The following PPRC1 variants were observed in gnomAD, a reference collection of about 807,000 sequenced individuals.
PPRC1 encodes the protein peroxisome proliferator-activated receptor gamma coactivator-related protein 1.
A neutral mutation model predicts 132.5 loss-of-function variants in PPRC1; 23 were observed. That is an observed-to-expected ratio of 0.17 (90% confidence interval 0.12 to 0.25). PPRC1 has a LOEUF of 0.25. Ranked by LOEUF, PPRC1 falls within the 10% of genes least tolerant of loss-of-function variation. PPRC1 has a pLI of 1.00. For synonymous variants in PPRC1, 872 were observed against 833.5 expected (o/e 1.05, Z -0.80); for missense variants, 2,006 against 2,089.1 (o/e 0.96, Z 0.78).
rs370572070 is a variant in PPRC1, at chr10:102,139,168, C to T, written c.660C>T (p.Pro220=). ...CCTCTTTCTTAGAGACCTCTTCCCC[C>T]AAGCTTCCTAGCTGGAGACCCCCAA... ...SPPSFLETSS[P]KLPSWRPPRS... The change falls in exon 5 of 14, where the codon CCC becomes CCT. Residue 220 remains proline, a synonymous_variant. Transcript: ENST00000278070. The T allele has an allele frequency of 1.9e-6, 3 of 1,613,594 alleles. No homozygotes were observed. Among genetic ancestry groups the T allele is most frequent in the Non-Finnish European group, 2.5e-6 (3 of 1,179,702 alleles).
At chr10:102,132,200 T>G (rs2068555577), upstream of PPRC1, among the ~76,000 whole-genome samples, 1 of 152,260 alleles carries the variant, frequency 6.6e-6, no homozygotes, top group Non-Finnish European at 1.5e-5. Context: ...CCTACTACTT[T>G]TTTTCCTCTA....
the PPRC1 span, among the ~76,000 whole-genome samples, chr10:102,122,462 C>CTT: frequency 1.2e-3 from 163 of 133,532 alleles, 1 homozygote; most frequent in Non-Finnish European, 1.6e-3. Flanking sequence ...TCTTTCTGCC[C>CTT]TTTTTTTTTT....
At position 102,149,100 on chromosome 10, in the gene PPRC1, A is replaced by G. The variant is rs560893890; in HGVS notation, c.4740-78A>G. 1.6e-4 allele frequency: 238 copies of G among 1,526,506 alleles called. 1 individual carries two copies. In the South Asian group the frequency reaches 2.9e-3, roughly 19 times the overall value. The allele number at this position is 1,526,506 out of a possible 1,614,324, so 94.6% of individuals were successfully genotyped here. A position where few individuals can be genotyped will look rare whatever the true frequency, so the allele number is the denominator to read the frequency against. ...TGGGAATGAGAAGAACCACCTCTGT[A>G]CCTTGGGATGCTGTGTCTCCTCTAT... On this transcript the variant is annotated intron_variant, in intron 12 of 13. Transcript: ENST00000278070.
the PPRC1 span, among the ~76,000 whole-genome samples, chr10:102,125,821 T>G: frequency 6.6e-6 from 1 of 151,834 alleles, no homozygotes; most frequent in Non-Finnish European, 1.5e-5. Context: ...CCCTTGAAAT[T>G]CCTTCAACTA....
In PPRC1 at chr10:102,143,031, G is replaced by A. The variant is rs779679201; in HGVS notation, c.3497-14G>A. 6.2e-7 allele frequency: 1 copy of A among 1,610,356 alleles called. No individual in the cohort carries two copies. The highest frequency in any genetic ancestry group is 2.2e-5 in the East Asian group (1 of 44,862). ...AGGGGCTCGTTTTCAATCCTGTGTTGTGTGCCTCCACAGGAATTGAGGCAT... is the reference window on the plus strand; with the variant it reads ...AGGGGCTCGTTTTCAATCCTGTGTTATGTGCCTCCACAGGAATTGAGGCAT... On this transcript the variant is annotated splice_polypyrimidine_tract_variant and intron_variant, in intron 5 of 13. Coordinates refer to ENST00000278070, the MANE Select transcript of PPRC1 (RefSeq NM_015062.5).
At chr10:102,144,334 C>T (rs764925751) in intron 7 of PPRC1, 27 bp downstream of exon 7, 3 of 1,608,222 alleles carry the variant, frequency 1.9e-6, no homozygotes, top group Middle Eastern at 1.9e-4. Flanking sequence ...GAGCGAGTTA[C>T]CCTACAGCTG....
rs2068932294 is a variant in PPRC1 at position 102,140,742 on chromosome 10, A to T, written c.2234A>T (p.Glu745Val). 1 of 1,613,916 alleles carries T rather than the reference A, an allele frequency of 6.2e-7. No homozygotes were observed. Among genetic ancestry groups the T allele is most frequent in the Admixed American group, 1.7e-5 (1 of 59,992 alleles). Residue 745 changes from glutamate to valine, a missense_variant, in exon 5 of 14, where the codon GAA (glutamate) becomes GTA (valine). This residue lies in a region of PPRC1 where 1,914 missense variants were observed against 1,917.2 expected (regional missense o/e 1.00). Coordinates refer to ENST00000278070, the MANE Select transcript of PPRC1 (RefSeq NM_015062.5). ...IESGTSATTH[E>V]ARPRPLSLSE... ...AGTGGTACCAGTGCTACAACCCATG[A>T]AGCCAGACCTCGGCCTCTCAGCTTA...
intron 2 of PPRC1, among the ~76,000 whole-genome samples, chr10:102,138,282 G>A (rs1287732783): frequency 6.6e-6 from 1 of 152,168 alleles, no homozygotes; most frequent in African/African-American, 2.4e-5. Context: ...CACTGTCTGG[G>A]CCCCTGAACT....
Position 102,140,591 on chromosome 10 carries a change from C to T in PPRC1, c.2083C>T (p.Arg695Cys), listed in dbSNP as rs776212561. The change falls in exon 5 of 14, where the codon CGT (arginine) becomes TGT (cysteine). Residue 695 changes from arginine (R) to cysteine (C), a missense_variant. Around this residue, in one of 2 missense-constraint regions of PPRC1, gnomAD observed 1,914 missense variants for 1,917.2 expected, o/e 1.00. Coordinates refer to ENST00000278070, the MANE Select transcript of PPRC1 (RefSeq NM_015062.5). ...TAAGTCCAGACCAACTGATCCCAGA[C>T]GTGGTGCAGTGTCATCAGCCCTGGG... The part of the protein sequence containing the change: ...LVKSRPTDPR[R>C]GAVSSALGGS... 15 of 1,613,960 alleles carry T rather than the reference C, an allele frequency of 9.3e-6. No homozygotes were observed. The highest frequency in any genetic ancestry group is 1.1e-5 in the Non-Finnish European group (13 of 1,180,008).
chr10:102,121,697 G>A, the PPRC1 span, among the ~76,000 whole-genome samples: 109 of 152,242 alleles, frequency 7.2e-4, no homozygotes, highest in East Asian at 0.019. Flanking sequence ...TCTTTCTTAA[G>A]TTTCAGTATG....
the PPRC1 span, among the ~76,000 whole-genome samples, chr10:102,127,874 G>T: frequency 2.0e-5 from 3 of 151,872 alleles, no homozygotes; most frequent in Non-Finnish European, 4.4e-5. Context: ...TTTTTCTAGA[G>T]ACAGGGGTTT....
At position 102,150,304 on chromosome 10, in the gene PPRC1, T is replaced by C; in HGVS notation, c.*275T>C. On this transcript the variant is annotated 3_prime_UTR_variant, in exon 14 of 14. Transcript: ENST00000278070. ...TTGGAACATAAGTCACTATGCAGAC[T>C]AATAAACATCAACTAGAGAGAACTC... 1 of 300,530 alleles carries C rather than the reference T, an allele frequency of 3.3e-6. No homozygotes were observed. The highest frequency in any genetic ancestry group is 6.9e-5 in the East Asian group (1 of 14,554). 18.6% of individuals were successfully genotyped at this position (300,530 alleles called of 1,614,324 possible).
chr10:102,141,247 G>A lies in PPRC1; in HGVS notation c.2739G>A (p.Pro913=), dbSNP rs752021308. The change falls in exon 5 of 14, where the codon CCG becomes CCA. Residue 913 remains proline (P), a synonymous_variant. Coordinates refer to ENST00000278070, the MANE Select transcript of PPRC1 (RefSeq NM_015062.5). ...PLSMGPVLPD[P]FTHYAPLPSW... ...CTATGGGGCCAGTACTACCTGATCC[G>A]TTTACTCACTATGCCCCCTTGCCAT... 47 of 1,613,778 alleles carry A rather than the reference G, an allele frequency of 2.9e-5. No homozygotes were observed. The highest frequency in any genetic ancestry group is 3.3e-5 in the Admixed American group (2 of 59,972).
intron 1 of PPRC1, among the ~76,000 whole-genome samples, chr10:102,137,193 G>T (rs1414405634): frequency 6.6e-6 from 1 of 152,164 alleles, no homozygotes; most frequent in Non-Finnish European, 1.5e-5. Context: ...ACAAAAATTA[G>T]CTGGGCGTGG....
At chr10:102,136,692 T>C (rs897414752) in intron 1 of PPRC1, among the ~76,000 whole-genome samples, 1 of 152,180 alleles carries the variant, frequency 6.6e-6, no homozygotes, top group South Asian at 2.1e-4. Flanking sequence ...TACATACCAA[T>C]GTATTGGTAG....
intron 13 of PPRC1, among the ~76,000 whole-genome samples, 180 bp from the exon 14 acceptor site, chr10:102,149,746 A>G (rs1332139919): frequency 6.7e-6 from 1 of 149,346 alleles, no homozygotes; most frequent in African/African-American, 2.5e-5. Context: ...AAAAAAAAAA[A>G]AGACCCAAGG....
chr10:102,120,449 C>CCTCGCG, the PPRC1 span: 13 of 964,838 alleles, frequency 1.3e-5, no homozygotes, highest in South Asian at 4.8e-5. Context: ...CCCTCTCCGC[C>CCTCGCG]CTCGCGCTCG....
In PPRC1 at chr10:102,150,087, C is replaced by A; in HGVS notation, c.*58C>A. The A allele has an allele frequency of 1.6e-6, 2 of 1,288,884 alleles. No homozygotes were observed. Among genetic ancestry groups the A allele is most frequent in the Non-Finnish European group, 2.3e-6 (2 of 884,818 alleles). 79.8% of individuals were successfully genotyped at this position (1,288,884 alleles called of 1,614,324 possible). The stretch of plus-strand genomic sequence containing the variant: ...TTTGGAGGTGCCCAACCTCCTCCAC[C>A]CCCTTCCCCTACTCTAGGGGAGAGA... On this transcript the variant is annotated 3_prime_UTR_variant, in exon 14 of 14. Transcript: ENST00000278070.
the PPRC1 span, among the ~76,000 whole-genome samples, chr10:102,122,262 GAA>G: frequency 6.6e-6 from 1 of 152,116 alleles, no homozygotes; most frequent in Non-Finnish European, 1.5e-5. Flanking sequence ...ACACTGGCCC[GAA>G]ATTGTGGATA....
Sources: allele counts gnomAD v4.1 joint callset (sites outside exome capture counted in the v4.1 genomes callset), GRCh38; gene constraint gnomAD v4.1.1; regional missense constraint gnomAD v4.1.1; transcripts MANE v1.5; gene names NCBI Gene and HGNC (gene_info 2026-07-23, HGNC 2026-07-21).